The following RABL3 variants were observed in gnomAD, a reference collection of about 807,000 sequenced individuals.
RABL3 encodes the protein RAB, member of RAS oncogene family like 3, also known as rab-like protein 3.
RABL3 carries 31 observed loss-of-function variants against 31.8 expected under a neutral mutation model. The ratio of observed to expected loss-of-function variants is 0.97; its 90% CI spans 0.73 to 1.31. RABL3 has a LOEUF of 1.31. Among genes scored for constraint, RABL3 ranks in the 40% most tolerant of loss-of-function variants. The pLI is 0.00. For missense variants in RABL3, 263 were observed against 279.6 expected (o/e 0.94, Z 0.42); for synonymous variants, 97 against 99.9 (o/e 0.97, Z 0.18).
intron 3 of RABL3, among the ~76,000 whole-genome samples, chr3:120,706,409 GC>G (rs1162691042): frequency 6.6e-6 from 1 of 151,938 alleles, no homozygotes; most frequent in African/African-American, 2.4e-5. Context: ...CCTACTCCAT[GC>G]CTGTTCCTAC....
intron 3 of RABL3, among the ~76,000 whole-genome samples, chr3:120,708,956 G>A (rs1373047962): frequency 6.6e-6 from 1 of 151,778 alleles, no homozygotes; most frequent in Non-Finnish European, 1.5e-5. Flanking sequence ...GGAATATAAG[G>A]AATGAACATA....
At chr3:120,697,443 G>A (rs1288557424) in intron 5 of RABL3, among the ~76,000 whole-genome samples, 1 of 152,184 alleles carries the variant, frequency 6.6e-6, no homozygotes, top group Non-Finnish European at 1.5e-5. Context: ...CTCAATAAAT[G>A]TTGCTCACTA....
At chr3:120,695,678 G>A (rs1559811288) in intron 5 of RABL3, among the ~76,000 whole-genome samples, 3 of 152,148 alleles carry the variant, frequency 2.0e-5, no homozygotes, top group African/African-American at 7.2e-5. Context: ...TTGAAATAGT[G>A]TTTGAACACA....
Position 120,709,759 on chromosome 3 carries a change from A to G in RABL3, c.268+21T>C, listed in dbSNP as rs769538481. ...TACTCTTAGACCATTAATATAAGAT[A>G]GAAATTTAAAAATGTTTTACCATTT... On this transcript the variant is annotated intron_variant, in intron 3 of 7. Transcript: ENST00000273375. 7 of 1,576,856 alleles carry G rather than the reference A, an allele frequency of 4.4e-6. No homozygotes were observed. The East Asian group carries it at 1.3e-4, about 30-fold the overall frequency.
In RABL3 at chr3:120,714,321, C is replaced by A. The variant is rs115657214; in HGVS notation, c.139-4412G>T. 2.4e-3 allele frequency among the ~76,000 whole-genome samples: 361 copies of A among 152,204 alleles called. 3 individuals are homozygous for A. Among genetic ancestry groups the A allele is most frequent in the African/African-American group, 8.1e-3 (338 of 41,510 alleles). ...GAAAAAGAGATACTAGGAGAATATA[C>A]CACAGGAGCAGAAATTAATTTATCT... On this transcript the variant is annotated intron_variant, in intron 2 of 7. Transcript: ENST00000273375.
chr3:120,735,851 G>A lies in RABL3; in HGVS notation c.47-5064C>T, dbSNP rs1225045035. 3.3e-5 allele frequency among the ~76,000 whole-genome samples: 5 copies of A among 152,270 alleles called. No individual in the cohort carries two copies. The South Asian group carries it at 6.2e-4, about 19-fold the overall frequency. ...TTGTTCAGTTTCCATGCAGTTGAGC[G>A]GTTTTGAGTGAGTTTCTCAATCCTG... On this transcript the variant is annotated intron_variant, in intron 1 of 7. Transcript: ENST00000273375.
chr3:120,733,669 T>G (rs1340413543), intron 1 of RABL3, among the ~76,000 whole-genome samples: 1 of 152,206 alleles, frequency 6.6e-6, no homozygotes, highest in Non-Finnish European at 1.5e-5. Context: ...GGTTTTCTTC[T>G]AGGGTTTTTA....
intron 1 of RABL3, among the ~76,000 whole-genome samples, chr3:120,731,613 T>G (rs1458254436): frequency 6.6e-6 from 1 of 152,234 alleles, no homozygotes; most frequent in Non-Finnish European, 1.5e-5. Context: ...ACGGCATTTT[T>G]GGGGTTCCAT....
intron 1 of RABL3, among the ~76,000 whole-genome samples, chr3:120,742,225 T>A (rs371067504): frequency 6.6e-6 from 1 of 151,362 alleles, no homozygotes; most frequent in South Asian, 2.1e-4. Context: ...GGGAGACCGA[T>A]GCGGAAAGCC....
intron 2 of RABL3, among the ~76,000 whole-genome samples, chr3:120,722,817 T>C (rs534486732): frequency 6.6e-6 from 1 of 152,026 alleles, no homozygotes; most frequent in Non-Finnish European, 1.5e-5. Context: ...GGGAAATTTA[T>C]AGCACTAAAT....
intron 2 of RABL3, among the ~76,000 whole-genome samples, chr3:120,713,402 T>G (rs1306057911): frequency 6.6e-6 from 1 of 152,250 alleles, no homozygotes; most frequent in Non-Finnish European, 1.5e-5. Flanking sequence ...AGTTATGATG[T>G]TACATCTTTC....
At chr3:120,726,815 C>T (rs1708827240) in intron 2 of RABL3, among the ~76,000 whole-genome samples, 1 of 151,742 alleles carries the variant, frequency 6.6e-6, no homozygotes, top group Admixed American at 6.6e-5. Context: ...CAAATCTCAA[C>T]AAATTTCAAA....
chr3:120,712,144 C>G (rs1404619559), intron 2 of RABL3, among the ~76,000 whole-genome samples: 1 of 152,002 alleles, frequency 6.6e-6, no homozygotes, highest in East Asian at 1.9e-4. Context: ...ATTTTTTTGT[C>G]CAAATCCTTT....
chr3:120,735,072 G>A (rs889185279), intron 1 of RABL3, among the ~76,000 whole-genome samples: 46 of 152,214 alleles, frequency 3.0e-4, no homozygotes, highest in African/African-American at 1.1e-3. Context: ...ATGAGTTAGG[G>A]AGGGTTCCCT....
intron 2 of RABL3, among the ~76,000 whole-genome samples, chr3:120,716,627 TAAA>T (rs561424683): frequency 7.0e-6 from 1 of 142,496 alleles, no homozygotes; most frequent in South Asian, 2.2e-4. Context: ...ATAATAAAAT[TAAA>T]AAAAAAAGAA....
intron 5 of RABL3, among the ~76,000 whole-genome samples, 187 bp downstream of exon 5, chr3:120,698,236 C>T (rs925497471): frequency 9.2e-5 from 14 of 152,198 alleles, no homozygotes; most frequent in Non-Finnish European, 4.4e-5. Flanking sequence ...ACATAAAAGG[C>T]TGAAGTGACT....
intron 2 of RABL3, among the ~76,000 whole-genome samples, chr3:120,717,228 C>T (rs1020412704): frequency 1.1e-4 from 17 of 149,440 alleles, no homozygotes; most frequent in South Asian, 8.5e-4. Flanking sequence ...CACTGCACTC[C>T]GGCCTGGGCA....
Position 120,709,925 on chromosome 3 carries a change from A to G in RABL3, c.139-16T>C. On this transcript the variant is annotated splice_polypyrimidine_tract_variant and intron_variant, in intron 2 of 7. Coordinates refer to ENST00000273375, the MANE Select transcript of RABL3 (RefSeq NM_173825.5). ...AATCATGAACCTAACAAATCAATCA[A>G]TTAAAATAATTAATATAGCCACTAA... The G allele has an allele frequency of 6.4e-7, 1 of 1,563,886 alleles. No homozygotes were observed. The highest frequency in any genetic ancestry group is 8.7e-7 in the Non-Finnish European group (1 of 1,149,812).
intron 4 of RABL3, among the ~76,000 whole-genome samples, 166 bp downstream of exon 4, chr3:120,705,834 T>C (rs1330151313): frequency 6.6e-6 from 1 of 152,144 alleles, no homozygotes. Context: ...TCAGACTTCA[T>C]CAAAATGAAA....
Sources: gnomAD v4.1 joint callset for allele counts (sites outside exome capture counted in the v4.1 genomes callset) on GRCh38, gnomAD v4.1.1 for gene constraint, MANE v1.5 for transcripts, NCBI Gene and HGNC (gene_info 2026-07-23, HGNC 2026-07-21) for gene names.